The following GRID2IP variants were observed in gnomAD, a reference collection of about 807,000 sequenced individuals.
GRID2IP encodes Grid2 interacting protein.
In GRID2IP, 78 loss-of-function variants were observed where a neutral mutation model predicts 114.3. The ratio of observed to expected loss-of-function variants is 0.68; its 90% CI spans 0.57 to 0.82. The LOEUF (loss-of-function observed/expected upper bound fraction) is 0.82. GRID2IP is among the 40% of genes least tolerant of loss of function. The pLI, the probability that GRID2IP is intolerant of heterozygous loss-of-function variation, is 0.00. For missense variants in GRID2IP, 1,727 were observed against 1,678.5 expected (o/e 1.03, Z -0.51); for synonymous variants, 809 against 724.0 (o/e 1.12, Z -1.89).
intron 21 of GRID2IP, 29 bp downstream of exon 21, chr7:6,498,035 G>C (rs773368484): frequency 1.1e-5 from 16 of 1,514,262 alleles, no homozygotes; most frequent in East Asian, 2.5e-5. Flanking sequence ...CTCTCCAAAA[G>C]GGCCCCTCAG....
chr7:6,540,898 G>A (rs1294866332), intron 1 of GRID2IP, among the ~76,000 whole-genome samples: 1 of 151,906 alleles, frequency 6.6e-6, no homozygotes, highest in African/African-American at 2.4e-5. Flanking sequence ...GTGCAGTGGT[G>A]TGATTATAAC....
At position 6,520,491 on chromosome 7, in the gene GRID2IP, G is replaced by A. The variant is rs1403625659; in HGVS notation, c.1268+87C>T. ...CCCCCAGGAGAACGGGACTGAGGAGGTTCAGGCAGGGAGACTGGGATGTGA... is the reference window on the plus strand; with the variant it reads ...CCCCCAGGAGAACGGGACTGAGGAGATTCAGGCAGGGAGACTGGGATGTGA... On this transcript the variant is annotated intron_variant, in intron 7 of 21. Coordinates refer to ENST00000457091, the MANE Select transcript of GRID2IP (RefSeq NM_001145118.2). The surrounding 1 kb of genome is among the most constrained non-coding windows in gnomAD (Gnocchi z 4.6). 5.1e-6 allele frequency: 7 copies of A among 1,382,778 alleles called. No individual in the cohort carries two copies. Among genetic ancestry groups the A allele is most frequent in the Non-Finnish European group, 5.9e-6 (6 of 1,022,318 alleles). 85.7% of individuals were successfully genotyped at this position (1,382,778 alleles called of 1,614,324 possible).
chr7:6,515,294 T>C (rs952914443), intron 7 of GRID2IP, among the ~76,000 whole-genome samples: 40 of 151,600 alleles, frequency 2.6e-4, no homozygotes, highest in African/African-American at 9.5e-4. Context: ...AAACCCCCTC[T>C]CTACTAAAAA....
chr7:6,537,134 G>C (rs954402092), intron 2 of GRID2IP, among the ~76,000 whole-genome samples: 4 of 152,050 alleles, frequency 2.6e-5, no homozygotes, highest in African/African-American at 9.7e-5. Flanking sequence ...CAGCCCAGAG[G>C]GGGTTTGGTC....
intron 1 of GRID2IP, among the ~76,000 whole-genome samples, chr7:6,544,959 C>T (rs1254301065): frequency 3.3e-5 from 5 of 151,982 alleles, no homozygotes; most frequent in Admixed American, 1.3e-4. Flanking sequence ...TGATGGCGGG[C>T]GCCTGTAGTC....
At chr7:6,504,119 G>T (rs1190973091) in intron 15 of GRID2IP, among the ~76,000 whole-genome samples, 2 of 151,280 alleles carry the variant, frequency 1.3e-5, no homozygotes, top group African/African-American at 4.9e-5. Flanking sequence ...ACTCTAGAGG[G>T]GTGGGGGTCA....
intron 1 of GRID2IP, among the ~76,000 whole-genome samples, chr7:6,544,860 T>C (rs1396425407): frequency 6.6e-6 from 1 of 151,586 alleles, no homozygotes; most frequent in African/African-American, 2.4e-5. Context: ...GGCAGGCGGA[T>C]CACAAGGTCA....
intron 20 of GRID2IP, among the ~76,000 whole-genome samples, chr7:6,499,079 C>T (rs745986462): frequency 3.9e-5 from 6 of 152,110 alleles, no homozygotes; most frequent in South Asian, 2.1e-4. Context: ...AAAATGGTGC[C>T]GAGCTTTGTT....
At position 6,507,210 on chromosome 7, in the gene GRID2IP, C is replaced by T. The variant is rs566883066; in HGVS notation, c.2544+775G>A. On this transcript the variant is annotated intron_variant, in intron 13 of 21. Transcript: ENST00000457091. The surrounding 1 kb of genome is among the most constrained non-coding windows in gnomAD (Gnocchi z 5.3). Reference sequence around the variant, plus strand: ...GGGCAGCCCTGGGAGCTGGAAGGAGCCCCTGCCATATTAAAAGGAGTATGA... The same window carrying T: ...GGGCAGCCCTGGGAGCTGGAAGGAGTCCCTGCCATATTAAAAGGAGTATGA... 1.8e-4 allele frequency among the ~76,000 whole-genome samples: 28 copies of T among 152,250 alleles called. No individual in the cohort carries two copies. Among genetic ancestry groups the T allele is most frequent in the African/African-American group, 6.0e-4 (25 of 41,548 alleles).
intron 20 of GRID2IP, among the ~76,000 whole-genome samples, chr7:6,500,187 G>C (rs1786371933): frequency 6.6e-6 from 1 of 151,866 alleles, no homozygotes; most frequent in Non-Finnish European, 1.5e-5. Flanking sequence ...GGGTGGGCCG[G>C]GCACAGTGGC....
intron 20 of GRID2IP, among the ~76,000 whole-genome samples, chr7:6,500,481 CG>C (rs1352232160): frequency 3.9e-5 from 6 of 152,030 alleles, no homozygotes; most frequent in African/African-American, 1.4e-4. Context: ...AACAAAAATC[CG>C]GGTGTGAAGT....
intron 2 of GRID2IP, among the ~76,000 whole-genome samples, chr7:6,538,965 G>T (rs1779772386): frequency 6.6e-6 from 1 of 152,306 alleles, no homozygotes; most frequent in South Asian, 2.1e-4. Context: ...CACATGGTTT[G>T]TAGGGTGGAG....
In GRID2IP at chr7:6,532,691, A is replaced by AT. The variant is rs1287708603; in HGVS notation, c.585-5923dup. Among the ~76,000 whole-genome samples the AT allele has an allele frequency of 6.6e-6, 1 of 152,186 alleles. No individual in the cohort carries two copies. The highest frequency in any genetic ancestry group is 1.5e-5 in the Non-Finnish European group (1 of 68,034). On this transcript the variant is annotated intron_variant, in intron 2 of 21. Transcript: ENST00000457091. The surrounding 1 kb of genome is among the most constrained non-coding windows in gnomAD (Gnocchi z 4.4). ...CTCTGTCGTCTGTGGGGCCCCAGCCATCCCATTATGATTGGAGCCATTCCT... is the reference window on the plus strand; with the variant it reads ...CTCTGTCGTCTGTGGGGCCCCAGCCATTCCCATTATGATTGGAGCCATTCCT...
At position 6,520,202 on chromosome 7, in the gene GRID2IP, G is replaced by A. The variant is rs2115071255; in HGVS notation, c.1268+376C>T. Among the ~76,000 whole-genome samples the A allele has an allele frequency of 6.6e-6, 1 of 152,158 alleles. No individual in the cohort carries two copies. Among genetic ancestry groups the A allele is most frequent in the Non-Finnish European group, 1.5e-5 (1 of 68,020 alleles). ...CAGCTACTCGGAGGCTGAGGCAGAA[G>A]AATCGCTTGAACCCAGGAGGCGGAG... is the stretch of plus-strand genomic sequence containing the variant. On this transcript the variant is annotated intron_variant, in intron 7 of 21. Coordinates refer to ENST00000457091, the MANE Select transcript of GRID2IP (RefSeq NM_001145118.2). The surrounding 1 kb of genome is among the most constrained non-coding windows in gnomAD (Gnocchi z 4.6).
chr7:6,501,955 T>G, intron 19 of GRID2IP, 34 bp downstream of exon 19: 4 of 1,550,822 alleles, frequency 2.6e-6, no homozygotes, highest in Non-Finnish European at 3.5e-6. Flanking sequence ...CAGGACAGCA[T>G]GCCTCTGCCT....
In GRID2IP at chr7:6,536,586, G is replaced by A. The variant is rs1779727348; in HGVS notation, c.584+3132C>T. On this transcript the variant is annotated intron_variant, in intron 2 of 21. Coordinates refer to ENST00000457091, the MANE Select transcript of GRID2IP (RefSeq NM_001145118.2). This position sits in a 1 kb window ranked among gnomAD's most constrained non-coding sequence, Gnocchi z 5.3. The stretch of plus-strand genomic sequence containing the variant: ...AGGAGAACCGAGAGGGCCTCCAGCC[G>A]AGCCCGGCTGCCAGCAGCCGGGAGA... Among the ~76,000 whole-genome samples, 2 of 151,790 alleles carry A rather than the reference G, an allele frequency of 1.3e-5. No homozygotes were observed. The highest frequency in any genetic ancestry group is 1.3e-4 in the Admixed American group (2 of 15,268).
chr7:6,521,620 G>GC lies in GRID2IP; in HGVS notation c.990-98dup. The GC allele has an allele frequency of 7.1e-6, 6 of 841,010 alleles. No individual in the cohort carries two copies. The Admixed American group carries it at 1.6e-4, about 23-fold the overall frequency. The allele number at this position is 841,010 out of a possible 1,614,324, so 52.1% of individuals were successfully genotyped here. A position where few individuals can be genotyped will look rare whatever the true frequency, so the allele number is the denominator to read the frequency against. On this transcript the variant is annotated intron_variant, in intron 5 of 21. Transcript: ENST00000457091. This position sits in a 1 kb window ranked among gnomAD's most constrained non-coding sequence, Gnocchi z 4.1. Reference sequence around the variant, plus strand: ...CTGTCCTGCCCACAGAGGTCACACAGCAAGACCACCTCTGTGTGACTCTGT... The same window carrying GC: ...CTGTCCTGCCCACAGAGGTCACACAGCCAAGACCACCTCTGTGTGACTCTGT...
At position 6,507,838 on chromosome 7, in the gene GRID2IP, C is replaced by T. The variant is rs1354218009; in HGVS notation, c.2544+147G>A. 7.0e-6 allele frequency: 9 copies of T among 1,290,270 alleles called. No homozygotes were observed. The Admixed American group carries it at 1.5e-4, about 22-fold the overall frequency. 79.9% of individuals were successfully genotyped at this position (1,290,270 alleles called of 1,614,324 possible). On this transcript the variant is annotated intron_variant, in intron 13 of 21. Transcript: ENST00000457091. The surrounding 1 kb of genome is among the most constrained non-coding windows in gnomAD (Gnocchi z 5.3). ...CTGCAGTGGCCCCCAAGCGTGGGGA[C>T]GTTCTTGGGCTGGGCCTCTACTCAT...
At position 6,509,403 on chromosome 7, in the gene GRID2IP, C is replaced by G; in HGVS notation, c.1772-90G>C. On this transcript the variant is annotated intron_variant, in intron 11 of 21. Transcript: ENST00000457091. The surrounding 1 kb of genome is among the most constrained non-coding windows in gnomAD (Gnocchi z 4.9). ...GAGAGAGGGTCCTAGGACAGACTGG[C>G]TCTGTGTCCCAGGCCACTCTCCTTT... 2 of 1,184,478 alleles carry G rather than the reference C, an allele frequency of 1.7e-6. No individual in the cohort carries two copies. The highest frequency in any genetic ancestry group is 2.3e-6 in the Non-Finnish European group (2 of 878,900). The allele number at this position is 1,184,478 out of a possible 1,614,324, so 73.4% of individuals were successfully genotyped here.
Sources: gnomAD v4.1 joint callset for allele counts (sites outside exome capture counted in the v4.1 genomes callset) on GRCh38, gnomAD v4.1.1 for gene constraint, Gnocchi (gnomAD v3.1) non-coding constraint, MANE v1.5 for transcripts, NCBI Gene and HGNC (gene_info 2026-07-23, HGNC 2026-07-21) for gene names.